VPS13B: variants seen among roughly 807,000 people sequenced by gnomAD.
VPS13B encodes the protein intermembrane lipid transfer protein VPS13B.
A neutral mutation model predicts 426.4 loss-of-function variants in VPS13B; 285 were observed. The observed-to-expected ratio is 0.67, with a 90% CI of 0.61 to 0.74. The LOEUF is 0.74. VPS13B is among the 30% of genes least tolerant of loss of function. VPS13B has a pLI of 0.00. For missense variants in VPS13B, 4,537 were observed against 4,782.6 expected (o/e 0.95, Z 1.51); for synonymous variants, 1,676 against 1,676.4 (o/e 1.00, Z 0.01).
intron 3 of VPS13B, among the ~76,000 whole-genome samples, chr8:99,051,184 A>G (rs1412943866): frequency 6.6e-6 from 1 of 152,120 alleles, no homozygotes; most frequent in Non-Finnish European, 1.5e-5. Context: ...TAAGTCTTTA[A>G]TCATCTTGAA....
At chr8:99,102,894 G>C (rs1170242613) in intron 4 of VPS13B, 59 bp from the exon 5 acceptor site, 1 of 1,445,756 alleles carries the variant, frequency 6.9e-7, no homozygotes, top group Non-Finnish European at 9.7e-7. Flanking sequence ...AACACTTTAA[G>C]AAATAATTAT....
chr8:99,142,552 C>T (rs1339079892), intron 12 of VPS13B, among the ~76,000 whole-genome samples: 2 of 152,122 alleles, frequency 1.3e-5, no homozygotes, highest in African/African-American at 4.8e-5. Context: ...TCAAGGCACC[C>T]TGTGATCATG....
chr8:99,510,033 G>A (rs1821702463), intron 28 of VPS13B, among the ~76,000 whole-genome samples: 1 of 152,128 alleles, frequency 6.6e-6, no homozygotes, highest in African/African-American at 2.4e-5. Context: ...TCTGTTAAAT[G>A]TTATATGTGT....
At chr8:99,288,230 G>A (rs1310044051) in intron 19 of VPS13B, among the ~76,000 whole-genome samples, 2 of 151,878 alleles carry the variant, frequency 1.3e-5, no homozygotes, top group African/African-American at 2.4e-5. Flanking sequence ...ATGAATATAT[G>A]CATGCATGTA....
At chr8:99,249,492 T>G (rs1412934109) in intron 17 of VPS13B, among the ~76,000 whole-genome samples, 7 of 148,352 alleles carry the variant, frequency 4.7e-5, no homozygotes, top group African/African-American at 1.5e-4. Flanking sequence ...AGTGGCGCGG[T>G]CTCGGCTCAC....
chr8:99,735,860 T>A (rs1833804604), intron 39 of VPS13B, among the ~76,000 whole-genome samples: 1 of 152,152 alleles, frequency 6.6e-6, no homozygotes, highest in African/African-American at 2.4e-5. Context: ...TGGAAAACGC[T>A]GCGAATTTGA....
At chr8:99,341,701 G>T in intron 19 of VPS13B, 3 of 384,930 alleles carry the variant, frequency 7.8e-6, no homozygotes, top group Admixed American at 2.6e-5. Context: ...CTATTAAAAT[G>T]TATTAGATAT....
At chr8:99,244,456 T>C (rs1312843237) in intron 17 of VPS13B, among the ~76,000 whole-genome samples, 1 of 152,220 alleles carries the variant, frequency 6.6e-6, no homozygotes, top group Non-Finnish European at 1.5e-5. Context: ...TCTTGCAGCT[T>C]TACTAAGTAG....
intron 35 of VPS13B, chr8:99,697,805 A>AT (rs1241119908): frequency 1.6e-6 from 1 of 613,558 alleles, no homozygotes; most frequent in Non-Finnish European, 3.1e-6. Flanking sequence ...AGTCAGGCAC[A>AT]TTCCAGAAAG....
intron 4 of VPS13B, among the ~76,000 whole-genome samples, chr8:99,102,163 G>A (rs964758089): frequency 6.6e-6 from 1 of 152,074 alleles, no homozygotes; most frequent in African/African-American, 2.4e-5. Context: ...GCAAGCCATG[G>A]AGAAATAGAA....
rs930006569 is a variant in VPS13B at position 99,853,627 on chromosome 8, C to T, written c.10238C>T (p.Ala3413Val). Residue 3413 changes from alanine (A) to valine (V), a missense_variant, in exon 56 of 62, where the codon GCG (alanine) becomes GTG (valine). Physicochemically the swap from Ala to Val is moderately conservative, Grantham distance 64. Around this residue, in one of 2 missense-constraint regions of VPS13B, gnomAD observed 4,311 missense variants for 4,474.3 expected, o/e 0.96. Coordinates refer to ENST00000357162, the MANE Select transcript of VPS13B (RefSeq NM_152564.5). ...GPLPGEEPVA[A>V]LFELYCVEIC... Reference sequence around the variant, plus strand: ...CTCCCTGGGGAAGAGCCTGTGGCTGCGTTGTTTGAACTTTACTGTGTGGAG... The same window carrying T: ...CTCCCTGGGGAAGAGCCTGTGGCTGTGTTGTTTGAACTTTACTGTGTGGAG... 8.1e-6 allele frequency: 13 copies of T among 1,614,120 alleles called. No homozygotes were observed. The highest frequency in any genetic ancestry group is 2.2e-5 in the East Asian group (1 of 44,878).
At chr8:99,837,418 T>G (rs1047952300) in intron 54 of VPS13B, among the ~76,000 whole-genome samples, 6 of 152,228 alleles carry the variant, frequency 3.9e-5, no homozygotes, top group African/African-American at 1.4e-4. Flanking sequence ...CTCAAGGGTC[T>G]CTGAACTCCC....
intron 21 of VPS13B, 37 bp from the exon 22 acceptor site, chr8:99,431,500 A>G (rs202129529): frequency 6.2e-7 from 1 of 1,610,596 alleles, no homozygotes. Flanking sequence ...ATTGTAAGTT[A>G]TGTTTCTATT....
At chr8:99,464,332 G>A (rs1369179742) in intron 23 of VPS13B, among the ~76,000 whole-genome samples, 1 of 152,154 alleles carries the variant, frequency 6.6e-6, no homozygotes, top group Non-Finnish European at 1.5e-5. Context: ...TTGCTAAATA[G>A]ATATTTGTAA....
At chr8:99,867,084 G>GA (rs1335326498) in intron 58 of VPS13B, among the ~76,000 whole-genome samples, 1 of 152,206 alleles carries the variant, frequency 6.6e-6, no homozygotes, top group Non-Finnish European at 1.5e-5. Flanking sequence ...AGGAGTCCAT[G>GA]AAGAGCATTC....
At chr8:99,334,041 C>A (rs2133162294) in intron 19 of VPS13B, among the ~76,000 whole-genome samples, 1 of 151,844 alleles carries the variant, frequency 6.6e-6, no homozygotes. Flanking sequence ...CTTTTACAAG[C>A]CTTTTGTGGA....
chr8:99,610,028 C>A (rs1042910494), intron 33 of VPS13B, among the ~76,000 whole-genome samples: 10 of 152,196 alleles, frequency 6.6e-5, no homozygotes, highest in African/African-American at 2.4e-4. Context: ...GCTCCTCTCA[C>A]ACACCCAACT....
chr8:99,594,833 G>A (rs923627110), intron 33 of VPS13B, among the ~76,000 whole-genome samples: 3 of 151,884 alleles, frequency 2.0e-5, no homozygotes, highest in South Asian at 2.1e-4. Flanking sequence ...CCACTGCTTT[G>A]CTCTGCTCAC....
chr8:99,405,418 G>A (rs1437039001), intron 21 of VPS13B, among the ~76,000 whole-genome samples: 3 of 151,914 alleles, frequency 2.0e-5, no homozygotes, highest in African/African-American at 7.3e-5. Context: ...GAATCTTTTT[G>A]TCTGTTCGTA....
Sources: allele counts gnomAD v4.1 joint callset (sites outside exome capture counted in the v4.1 genomes callset), GRCh38; gene constraint gnomAD v4.1.1; regional missense constraint gnomAD v4.1.1; transcripts MANE v1.5; gene names NCBI Gene and HGNC (gene_info 2026-07-23, HGNC 2026-07-21).